Variants in CYYR1 observed in about 807,000 individuals in gnomAD.
CYYR1 encodes cysteine and tyrosine-rich protein 1.
Under a neutral mutation model 15.2 loss-of-function variants are expected in CYYR1, and 14 were observed. That is an observed-to-expected ratio of 0.92 (90% CI 0.61 to 1.44). The LOEUF is 1.44. CYYR1 is among the 40% of genes most tolerant of loss of function. CYYR1 has a pLI of 0.00. For synonymous variants in CYYR1, 80 were observed against 77.4 expected, an observed-to-expected ratio of 1.03 and a Z score of -0.18; for missense variants, 228 against 209.5, an observed-to-expected ratio of 1.09 and a Z score of -0.54.
At chr21:26,567,427 C>T (rs181061477) in intron 1 of CYYR1, among the ~76,000 whole-genome samples, 102 of 152,210 alleles carry the variant, frequency 6.7e-4, no homozygotes, top group South Asian at 1.7e-3. Context: ...ATATATTTTG[C>T]TGCAAGAAAA....
At chr21:26,520,137 T>TATATATATATATAC (rs1320265726) in intron 2 of CYYR1, among the ~76,000 whole-genome samples, 3 of 129,780 alleles carry the variant, frequency 2.3e-5, no homozygotes, top group African/African-American at 8.8e-5. Flanking sequence ...TATATATATA[T>TATATATATATATAC]ATATGCAGAA....
chr21:26,503,396 AAATT>A lies in CYYR1; in HGVS notation c.177-22971_177-22968del, dbSNP rs1350887159. 2.0e-5 allele frequency among the ~76,000 whole-genome samples: 3 copies of A among 152,230 alleles called. No homozygotes were observed. In the South Asian group the frequency reaches 6.2e-4, roughly 32 times the overall value. On this transcript the variant is annotated intron_variant, in intron 2 of 3. Transcript: ENST00000652641. ...CTGAGTATTATATTTTCTTGGTAAA[AAATT>A]AAAGTATTGTGAAACAAATATTGAA...
At chr21:26,541,335 A>G (rs187162031) in intron 2 of CYYR1, among the ~76,000 whole-genome samples, 1 of 152,308 alleles carries the variant, frequency 6.6e-6, no homozygotes, top group Admixed American at 6.5e-5. Context: ...ATAAAAACAA[A>G]AGATAAAGAG....
intron 2 of CYYR1, chr21:26,564,784 T>G (rs1202681612): frequency 8.0e-7 from 1 of 1,247,322 alleles, no homozygotes; most frequent in Non-Finnish European, 1.0e-6. Flanking sequence ...TGACTTCACA[T>G]TCTCCAAGTT....
chr21:26,492,763 T>A (rs767771254), intron 2 of CYYR1, among the ~76,000 whole-genome samples: 1 of 151,716 alleles, frequency 6.6e-6, no homozygotes. Flanking sequence ...TTATGCAGCA[T>A]GAAACAATTT....
chr21:26,473,270 T>C (rs2065058875), intron 3 of CYYR1, among the ~76,000 whole-genome samples: 1 of 152,062 alleles, frequency 6.6e-6, no homozygotes, highest in Non-Finnish European at 1.5e-5. Flanking sequence ...ACAATTTTCC[T>C]TAACCCCACC....
chr21:26,540,611 A>G (rs1020100454), intron 2 of CYYR1, among the ~76,000 whole-genome samples: 35 of 152,160 alleles, frequency 2.3e-4, no homozygotes, highest in African/African-American at 8.2e-4. Flanking sequence ...GAACCGAACA[A>G]AGATTTTAGA....
chr21:26,497,334 C>T (rs2065419827), intron 2 of CYYR1, among the ~76,000 whole-genome samples: 1 of 152,130 alleles, frequency 6.6e-6, no homozygotes, highest in Non-Finnish European at 1.5e-5. Flanking sequence ...AAGATCGTTT[C>T]ATCAATCTTG....
At chr21:26,470,648 T>G (rs1285345293) in intron 3 of CYYR1, 1 of 152,298 alleles carries the variant, frequency 6.6e-6, no homozygotes, top group East Asian at 1.9e-4. Context: ...AGTGGTACTG[T>G]GAGTCAGTTA....
chr21:26,511,530 G>A (rs2065648299), intron 2 of CYYR1, among the ~76,000 whole-genome samples: 1 of 152,146 alleles, frequency 6.6e-6, no homozygotes, highest in Non-Finnish European at 1.5e-5. Context: ...ATAAAGCTTT[G>A]TACAACAGAA....
chr21:26,545,898 C>T (rs1023752660), intron 2 of CYYR1, among the ~76,000 whole-genome samples: 4 of 152,134 alleles, frequency 2.6e-5, no homozygotes, highest in African/African-American at 4.8e-5. Flanking sequence ...ACATTACCCA[C>T]TTCTCAATAA....
chr21:26,475,010 C>A lies in CYYR1; in HGVS notation c.334+5262G>T, dbSNP rs188196258. Among the ~76,000 whole-genome samples the A allele has an allele frequency of 3.0e-4, 45 of 152,240 alleles. 1 individual carries two copies. The highest frequency in any genetic ancestry group is 6.8e-3 in the Middle Eastern group (2 of 294). On this transcript the variant is annotated intron_variant, in intron 3 of 3. Coordinates refer to ENST00000652641, the MANE Select transcript of CYYR1 (RefSeq NM_001320768.2). ...GGCAGAACCCCAACCCTTATTAAAC[C>A]CAACACTTTGGTTATCCTGGATCAA...
intron 3 of CYYR1, among the ~76,000 whole-genome samples, chr21:26,472,157 G>C (rs1312295179): frequency 6.6e-6 from 1 of 152,110 alleles, no homozygotes; most frequent in Non-Finnish European, 1.5e-5. Context: ...ACAGAGTATG[G>C]CCTATACTTT....
chr21:26,468,760 T>A, intron 3 of CYYR1, 126 bp from the exon 4 acceptor site: 1 of 682,918 alleles, frequency 1.5e-6, no homozygotes, highest in Admixed American at 2.8e-5. Flanking sequence ...CTTAGTTTTA[T>A]TAGGTCAGGA....
intron 2 of CYYR1, among the ~76,000 whole-genome samples, chr21:26,559,232 T>C (rs1199936903): frequency 6.6e-6 from 1 of 152,170 alleles, no homozygotes; most frequent in Non-Finnish European, 1.5e-5. Context: ...CATCTTTCAC[T>C]TGTTTATGGA....
intron 2 of CYYR1, among the ~76,000 whole-genome samples, chr21:26,512,196 T>C: frequency 6.6e-6 from 1 of 151,770 alleles, no homozygotes; most frequent in African/African-American, 2.4e-5. Context: ...TCAGTCCCTC[T>C]TTTTTTATTT....
intron 2 of CYYR1, among the ~76,000 whole-genome samples, chr21:26,515,871 G>A (rs913126487): frequency 1.3e-5 from 2 of 152,076 alleles, no homozygotes; most frequent in South Asian, 4.2e-4. Flanking sequence ...TTTCATATGG[G>A]CAATTTTTCC....
intron 2 of CYYR1, among the ~76,000 whole-genome samples, chr21:26,492,042 C>T (rs2065336194): frequency 1.3e-5 from 2 of 152,212 alleles, no homozygotes; most frequent in South Asian, 4.1e-4. Context: ...CACAACCTTA[C>T]CTGTGTCAGC....
At chr21:26,543,013 T>G (rs958750847) in intron 2 of CYYR1, among the ~76,000 whole-genome samples, 1 of 152,238 alleles carries the variant, frequency 6.6e-6, no homozygotes, top group Admixed American at 6.5e-5. Flanking sequence ...CTAAAGAATG[T>G]TTGTCTGCTA....
Sources: allele counts gnomAD v4.1 joint callset (sites outside exome capture counted in the v4.1 genomes callset), GRCh38; gene constraint gnomAD v4.1.1; transcripts MANE v1.5; gene names NCBI Gene and HGNC (gene_info 2026-07-23, HGNC 2026-07-21).